Variants in TH observed in about 807,000 individuals in gnomAD.
The protein encoded by TH is tyrosine hydroxylase, also known as tyrosine 3-monooxygenase.
A neutral mutation model predicts 57.4 loss-of-function variants in TH; 49 were observed. That is an observed-to-expected ratio of 0.85 (90% CI 0.68 to 1.08). The LOEUF (loss-of-function observed/expected upper bound fraction) is 1.08, where lower values mean the gene tolerates loss of function less well. TH is among the 50% of genes least tolerant of loss of function. The pLI, the probability that TH is intolerant of heterozygous loss-of-function variation, is 0.00. For synonymous variants in TH, 330 were observed against 304.5 expected, an observed-to-expected ratio of 1.08 and a Z score of -0.87; for missense variants, 720 against 696.7, an observed-to-expected ratio of 1.03 and a Z score of -0.38.
chr11:2,171,737 G>A lies in TH; in HGVS notation c.50C>T (p.Ala17Val). ...TTPQAKGFRRAVSELDAKQAE... is the reference protein window; with the variant it reads ...TTPQAKGFRRVVSELDAKQAE... ...CTGCTTGGCGTCCAGCTCAGACACG[G>A]CCCTGCGGAAGCCCTTGGCCTGTGG... Residue 17 changes from alanine (A) to valine (V), a missense_variant, in exon 1 of 13, where the codon GCC becomes GTC. Ala to Val is a moderately conservative substitution (Grantham distance 64). Transcript: ENST00000352909. The surrounding 1 kb of genome is among the most constrained non-coding windows in gnomAD (Gnocchi z 8.6). The A allele has an allele frequency of 1.9e-6, 3 of 1,612,882 alleles. No homozygotes were observed. The highest frequency in any genetic ancestry group is 1.7e-6 in the Non-Finnish European group (2 of 1,179,864).
intron 6 of TH, 55 bp from the exon 7 acceptor site, chr11:2,167,087 C>A (rs1253179222): frequency 5.8e-6 from 9 of 1,547,508 alleles, no homozygotes; most frequent in Non-Finnish European, 7.8e-6. Context: ...GCCCGAAACC[C>A]CCCTCCTGAA....
Position 2,164,077 on chromosome 11 carries a change from A to T in TH, c.*156T>A. 1 of 613,326 alleles carries T rather than the reference A, an allele frequency of 1.6e-6. No individual in the cohort carries two copies. The highest frequency in any genetic ancestry group is 2.4e-6 in the Non-Finnish European group (1 of 410,234). 38.0% of individuals were successfully genotyped at this position (613,326 alleles called of 1,614,324 possible). ...GCACAACCTCACCACGGGCACACAC[A>T]GCTGTTGCGCTGAGAAGCAGGTGCA... On this transcript the variant is annotated 3_prime_UTR_variant, in exon 13 of 13. Transcript: ENST00000352909.
chr11:2,167,983 C>A (rs1218022319), intron 4 of TH, 50 bp from the exon 5 acceptor site: 17 of 1,609,754 alleles, frequency 1.1e-5, no homozygotes, highest in Non-Finnish European at 1.4e-5. Flanking sequence ...GGGGTGGGGG[C>A]ACAGGCCACG....
chr11:2,167,745 G>T, intron 5 of TH, 121 bp downstream of exon 5: 1 of 1,281,330 alleles, frequency 7.8e-7, no homozygotes, highest in Non-Finnish European at 1.1e-6. Context: ...AGAGCTGCCT[G>T]GCAGGAGGCA....
intron 9 of TH, 43 bp downstream of exon 9, chr11:2,166,437 C>T (rs1391353076): frequency 2.0e-6 from 3 of 1,536,286 alleles, no homozygotes; most frequent in Non-Finnish European, 8.7e-7. Flanking sequence ...GGCGCCAAGC[C>T]AGCCCCTGGG....
At chr11:2,165,830 C>T (rs1846074974) in intron 10 of TH, 67 bp from the exon 11 acceptor site, 15 of 1,555,266 alleles carry the variant, frequency 9.6e-6, no homozygotes, top group Admixed American at 3.7e-5. Context: ...CCTGGTCACC[C>T]GTGACCAGGA....
intron 5 of TH, 46 bp from the exon 6 acceptor site, chr11:2,167,531 A>T (rs1340700481): frequency 6.5e-7 from 1 of 1,544,356 alleles, no homozygotes; most frequent in Admixed American, 2.0e-5. Context: ...GGGAGTGAGA[A>T]GGGCAGGAGG....
chr11:2,167,360 C>A, intron 6 of TH, 75 bp downstream of exon 6: 1 of 1,484,436 alleles, frequency 6.7e-7, no homozygotes, highest in Non-Finnish European at 9.2e-7. Context: ...TCCCTGGAGG[C>A]GGCCCTCACA....
chr11:2,164,905 C>T (rs1374572300), intron 12 of TH, among the ~76,000 whole-genome samples: 1 of 152,150 alleles, frequency 6.6e-6, no homozygotes, highest in Non-Finnish European at 1.5e-5. Flanking sequence ...TCTGTCTATC[C>T]CCCTGACTTC....
intron 2 of TH, 126 bp from the exon 3 acceptor site, chr11:2,168,791 T>G: frequency 2.6e-6 from 3 of 1,169,622 alleles, no homozygotes; most frequent in East Asian, 2.6e-5. Flanking sequence ...ACTTTTGTGC[T>G]AGCAGCACAC....
At chr11:2,167,567 G>A (rs1254547049) in intron 5 of TH, 82 bp from the exon 6 acceptor site, 1 of 1,466,060 alleles carries the variant, frequency 6.8e-7, no homozygotes, top group African/African-American at 1.4e-5. Flanking sequence ...ACTGGGCACA[G>A]GTCCACACCC....
intron 5 of TH, 62 bp downstream of exon 5, chr11:2,167,804 C>T (rs1036806422): frequency 3.9e-6 from 6 of 1,538,166 alleles, no homozygotes; most frequent in Non-Finnish European, 5.3e-6. Context: ...TCCCTCCCAC[C>T]CCCCAGGTCC....
Position 2,168,558 on chromosome 11 carries a change from G to A in TH, c.420C>T (p.Asp140=). The part of the protein sequence containing the change: ...YFVRLEVRRG[D]LAALLSGVRQ... ...GCACACCACTGAGCAGGGCGGCCAGGTCCCCTCGGCGCACCTCGAGGCGCA... is the reference window on the plus strand; with the variant it reads ...GCACACCACTGAGCAGGGCGGCCAGATCCCCTCGGCGCACCTCGAGGCGCA... The change falls in exon 3 of 13, where the codon GAC becomes GAT. Residue 140 remains aspartate, a synonymous_variant. Transcript: ENST00000352909. 1.2e-6 allele frequency: 2 copies of A among 1,611,956 alleles called. No individual in the cohort carries two copies. Among genetic ancestry groups the A allele is most frequent in the East Asian group, 4.5e-5 (2 of 44,850 alleles).
chr11:2,167,795 C>A, intron 5 of TH, 71 bp downstream of exon 5: 1 of 1,493,520 alleles, frequency 6.7e-7, no homozygotes, highest in African/African-American at 1.4e-5. Context: ...CTTTGTCCTT[C>A]CCTCCCACCC....
rs761081184 is a variant in TH, at chr11:2,171,668, G to A, written c.90+29C>T. ...CCAGCCCTGGGCTCCGGTCCACTGC[G>A]GCCGCCGGGCACCTACCTGCCCTCT... is the stretch of plus-strand genomic sequence containing the variant. On this transcript the variant is annotated intron_variant, in intron 1 of 12. Transcript: ENST00000352909. The surrounding 1 kb of genome is among the most constrained non-coding windows in gnomAD (Gnocchi z 8.6). 1.2e-5 allele frequency: 19 copies of A among 1,607,286 alleles called. No homozygotes were observed. Among genetic ancestry groups the A allele is most frequent in the African/African-American group, 5.3e-5 (4 of 74,844 alleles).
In TH at chr11:2,164,285, C is replaced by T. The variant is rs564949885; in HGVS notation, c.1442G>A (p.Gly481Asp). The T allele has an allele frequency of 5.4e-5, 81 of 1,506,962 alleles. No homozygotes were observed. The South Asian group carries it at 1.1e-3, about 20-fold the overall frequency. The allele number at this position is 1,506,962 out of a possible 1,614,324, so 93.3% of individuals were successfully genotyped here. ...AAGGGTGTCCAGCTCATCCTGGACACCCTCCAGGGAGCGCCGCACGGCCTG... is the reference window on the plus strand; with the variant it reads ...AAGGGTGTCCAGCTCATCCTGGACATCCTCCAGGGAGCGCCGCACGGCCTG... Reference protein sequence around the residue: ...SPQAVRRSLEGVQDELDTLAH... With the variant: ...SPQAVRRSLEDVQDELDTLAH... The change falls in exon 13 of 13, where the codon GGT (glycine) becomes GAT (aspartate). Residue 481 changes from glycine (G) to aspartate (D), a missense_variant. Transcript: ENST00000352909.
At position 2,165,776 on chromosome 11, in the gene TH, C is replaced by T. The variant is rs535333944; in HGVS notation, c.1105-13G>A. 2.5e-5 allele frequency: 41 copies of T among 1,609,696 alleles called. 1 individual carries two copies. Among genetic ancestry groups the T allele is most frequent in the African/African-American group, 1.9e-4 (14 of 74,780 alleles). ...TGAACCAGTACAGCTGCGGGGAAGC[C>T]GGGCAGCATCAGCCCAGAGACAGCT... On this transcript the variant is annotated splice_polypyrimidine_tract_variant and intron_variant, in intron 10 of 12. Transcript: ENST00000352909.
At chr11:2,166,215 G>A in intron 9 of TH, 157 bp from the exon 10 acceptor site, 4 of 916,076 alleles carry the variant, frequency 4.4e-6, no homozygotes, top group Non-Finnish European at 6.8e-6. Flanking sequence ...ACCTCCACCG[G>A]GCCTCCTCCT....
Position 2,168,103 on chromosome 11 carries a change from G to C in TH, c.564C>G (p.Asp188Glu), listed in dbSNP as rs1342223207. The change falls in exon 4 of 13, where the codon GAC becomes GAG. Residue 188 changes from aspartate to glutamate, a missense_variant. By Grantham distance (45) the Asp-to-Glu change is conservative (BLOSUM62 2). Transcript: ENST00000352909. ...GCGCACCACTCACCGGGTGGTCCAA[G>C]TCCAGGTCAGGGTCGAACTTGGTGA... is the stretch of plus-strand genomic sequence containing the variant. ...HLVTKFDPDL[D>E]LDHPGFSDQV... The C allele has an allele frequency of 1.2e-6, 2 of 1,613,394 alleles. No homozygotes were observed. The highest frequency in any genetic ancestry group is 2.7e-5 in the African/African-American group (2 of 74,908).
Sources: allele counts gnomAD v4.1 joint callset (sites outside exome capture counted in the v4.1 genomes callset), GRCh38; gene constraint gnomAD v4.1.1; non-coding constraint Gnocchi (gnomAD v3.1); transcripts MANE v1.5; gene names NCBI Gene and HGNC (gene_info 2026-07-23, HGNC 2026-07-21).